CD163: variants seen among roughly 807,000 people sequenced by gnomAD.
The protein encoded by CD163 is scavenger receptor cysteine-rich type 1 protein M130.
Under a neutral mutation model 129.2 loss-of-function variants are expected in CD163, and 64 were observed. That is an observed-to-expected ratio of 0.50 (90% CI 0.41 to 0.61). The LOEUF is 0.61. CD163 is among the 20% of genes least tolerant of loss of function. CD163 has a pLI of 0.00. For synonymous variants in CD163, 446 were observed against 478.5 expected, an observed-to-expected ratio of 0.93 and a Z score of 0.89; for missense variants, 1,061 against 1,377.9, an observed-to-expected ratio of 0.77 and a Z score of 3.64.
chr12:7,472,552 C>T (rs775294438), intron 16 of CD163, among the ~76,000 whole-genome samples: 6 of 152,226 alleles, frequency 3.9e-5, no homozygotes, highest in African/African-American at 1.4e-4. Flanking sequence ...GACCCCTACA[C>T]AAAAACCCCA....
At position 7,503,636 on chromosome 12, in the gene CD163, A is replaced by G. The variant is rs1032315378; in HGVS notation, c.46+9T>C. ...AAGGGGAAATGTAGAATAAATGAGAAGCTTTTACCAGCAGATCCAGAGTCT... is the reference window on the plus strand; with the variant it reads ...AAGGGGAAATGTAGAATAAATGAGAGGCTTTTACCAGCAGATCCAGAGTCT... On this transcript the variant is annotated intron_variant, in intron 1 of 16. Coordinates refer to ENST00000432237, the MANE Select transcript of CD163 (RefSeq NM_203416.4). The G allele has an allele frequency of 5.7e-6, 9 of 1,580,500 alleles. No individual in the cohort carries two copies. The highest frequency in any genetic ancestry group is 7.8e-6 in the Non-Finnish European group (9 of 1,153,698).
intron 3 of CD163, 36 bp downstream of exon 3, chr12:7,501,092 TCCCACCAAGGA>T: frequency 1.3e-6 from 2 of 1,547,376 alleles, no homozygotes; most frequent in Admixed American, 1.7e-5. Context: ...CATATTTTTT[TCCCACCAAGGA>T]TTTTGTGTTG....
intron 16 of CD163, among the ~76,000 whole-genome samples, chr12:7,476,980 T>A (rs146785747): frequency 2.0e-5 from 3 of 152,180 alleles, no homozygotes; most frequent in African/African-American, 7.2e-5. Flanking sequence ...AATAAACATG[T>A]GAAGAAAGGC....
intron 16 of CD163, among the ~76,000 whole-genome samples, chr12:7,476,806 A>G (rs1022532264): frequency 1.3e-5 from 2 of 152,234 alleles, no homozygotes; most frequent in African/African-American, 2.4e-5. Context: ...CAGGCAACCT[A>G]CAGAATGGGA....
chr12:7,492,570 G>T (rs1324903205), intron 6 of CD163, among the ~76,000 whole-genome samples: 1 of 152,080 alleles, frequency 6.6e-6, no homozygotes. Flanking sequence ...ATTGGGCAAA[G>T]TACAAGAAAC....
rs531578596 is a variant in CD163, at chr12:7,480,921, G to T, written c.3343+240C>A. The T allele has an allele frequency of 3.4e-5, 40 of 1,165,822 alleles. No homozygotes were observed. The South Asian group carries it at 1.2e-3, about 36-fold the overall frequency. 72.2% of individuals were successfully genotyped at this position (1,165,822 alleles called of 1,614,324 possible). A position where few individuals can be genotyped will look rare whatever the true frequency, so the allele number is the denominator to read the frequency against. ...CCAAGTCATAATATTCCTCTGCATG[G>T]TTCTTTCCATACCTCTATCAGGAAT... On this transcript the variant is annotated intron_variant, in intron 15 of 16. Transcript: ENST00000432237.
At chr12:7,501,507 G>T in intron 2 of CD163, 45 bp from the exon 3 acceptor site, 1 of 1,453,992 alleles carries the variant, frequency 6.9e-7, no homozygotes, top group Non-Finnish European at 9.6e-7. Flanking sequence ...GTCGCAAAGA[G>T]CAAGTAGAAA....
Position 7,485,269 on chromosome 12 carries a change from C to T in CD163, c.2606G>A (p.Cys869Tyr). ...TVGVVCRQLGCADKGKINPAS... is the reference protein window; with the variant it reads ...TVGVVCRQLGYADKGKINPAS... Reference sequence around the variant, plus strand: ...AGGGTTGATTTTCCCTTTGTCTGCACAGCCCAGCTGCCTGCACACCACACC... The same window carrying T: ...AGGGTTGATTTTCCCTTTGTCTGCATAGCCCAGCTGCCTGCACACCACACC... Residue 869 changes from cysteine to tyrosine, a missense_variant, in exon 11 of 17, where the codon TGT becomes TAT. By Grantham distance (194) the Cys-to-Tyr change is radical. Coordinates refer to ENST00000432237, the MANE Select transcript of CD163 (RefSeq NM_203416.4). This position sits in a 1 kb window ranked among gnomAD's most constrained non-coding sequence, Gnocchi z 4.5. The T allele has an allele frequency of 6.2e-7, 1 of 1,614,242 alleles. No homozygotes were observed. The highest frequency in any genetic ancestry group is 1.7e-4 in the Middle Eastern group (1 of 6,060).
At chr12:7,498,797 G>C in intron 4 of CD163, 71 bp downstream of exon 4, 1 of 1,355,182 alleles carries the variant, frequency 7.4e-7, no homozygotes. Context: ...AAGAGTTCAG[G>C]CTCTTAAGAT....
rs904607629 is a variant in CD163 at position 7,496,167 on chromosome 12, C to G, written c.1099+646G>C. On this transcript the variant is annotated intron_variant, in intron 5 of 16. Transcript: ENST00000432237. This position sits in a 1 kb window ranked among gnomAD's most constrained non-coding sequence, Gnocchi z 4.8. ...GCCATAAAAAAGAATGAGTTTATGT[C>G]CTTTGAAGGGACACAGATGAAGCTA... Among the ~76,000 whole-genome samples, 3 of 152,152 alleles carry G rather than the reference C, an allele frequency of 2.0e-5. No individual in the cohort carries two copies. The highest frequency in any genetic ancestry group is 7.2e-5 in the African/African-American group (3 of 41,420).
chr12:7,497,084 T>C lies in CD163; in HGVS notation c.828A>G (p.Ser276=), dbSNP rs1949412751. 1.2e-6 allele frequency: 2 copies of C among 1,614,112 alleles called. No homozygotes were observed. Among genetic ancestry groups the C allele is most frequent in the Non-Finnish European group, 1.7e-6 (2 of 1,179,972 alleles). Residue 276 remains serine (S), a synonymous_variant, in exon 5 of 17, where the codon TCA becomes TCG. Coordinates refer to ENST00000432237, the MANE Select transcript of CD163 (RefSeq NM_203416.4). ...LRLVDGVTEC[S]GRLEVRFQGE... ...CTTGGAATCTCACTTCTAATCTTCC[T>C]GAACATTCAGTGACTCCATCTACCA... is the stretch of plus-strand genomic sequence containing the variant.
At chr12:7,474,557 T>G (rs1240205763) in intron 16 of CD163, among the ~76,000 whole-genome samples, 1 of 152,106 alleles carries the variant, frequency 6.6e-6, no homozygotes, top group African/African-American at 2.4e-5. Flanking sequence ...TACAAAAATC[T>G]CTGGGACACA....
chr12:7,488,409 G>A (rs144867988), intron 6 of CD163, among the ~76,000 whole-genome samples: 2 of 152,260 alleles, frequency 1.3e-5, no homozygotes, highest in East Asian at 3.9e-4. Context: ...CAAACAATGT[G>A]TATCTACTAT....
Position 7,499,082 on chromosome 12 carries a change from G to T in CD163, c.564C>A (p.Phe188Leu). 1 of 1,614,078 alleles carries T rather than the reference G, an allele frequency of 6.2e-7. No individual in the cohort carries two copies. Among genetic ancestry groups the T allele is most frequent in the South Asian group, 1.1e-5 (1 of 91,086 alleles). Residue 188 changes from phenylalanine (F) to leucine (L), a missense_variant, in exon 4 of 17, where the codon TTC (phenylalanine) becomes TTA (leucine). Transcript: ENST00000432237. ...GRWGTVCDDN[F>L]NIDHASVICR... ...AAATGACAGATGCATGATCTATGTT[G>T]AAGTTATCATCACACACTGTTCCCC...
chr12:7,478,348 G>A (rs148360105), intron 16 of CD163, among the ~76,000 whole-genome samples: 1 of 152,116 alleles, frequency 6.6e-6, no homozygotes, highest in East Asian at 1.9e-4. Context: ...CTTTTTCTCT[G>A]TATTCCCGCC....
chr12:7,475,481 C>A (rs1949074694), intron 16 of CD163, among the ~76,000 whole-genome samples: 1 of 152,134 alleles, frequency 6.6e-6, no homozygotes, highest in Non-Finnish European at 1.5e-5. Context: ...GAACAAATCA[C>A]AAAAACCAAA....
rs1483743728 is a variant in CD163, at chr12:7,495,378, G to A, written c.1123C>T (p.Leu375Phe). ...CSDGSDLELR[L>F]RGGGSRCAGT... ...GCACAGCGGCTGCCTCCACCTCTAA[G>A]TCTTAGCTCCAGATCTGATCCATCT... The change falls in exon 6 of 17, where the codon CTT becomes TTT. Residue 375 changes from leucine to phenylalanine, a missense_variant. Leu to Phe is a conservative substitution (Grantham distance 22). Coordinates refer to ENST00000432237, the MANE Select transcript of CD163 (RefSeq NM_203416.4). 7 of 1,613,936 alleles carry A rather than the reference G, an allele frequency of 4.3e-6. No homozygotes were observed. In the South Asian group the frequency reaches 7.7e-5, roughly 18 times the overall value.
intron 4 of CD163, among the ~76,000 whole-genome samples, chr12:7,498,509 G>A (rs537314728): frequency 3.0e-4 from 46 of 152,200 alleles, no homozygotes; most frequent in Non-Finnish European, 3.5e-4. Flanking sequence ...GATAACTGGA[G>A]TGGTTTGGTC....
intron 6 of CD163, among the ~76,000 whole-genome samples, chr12:7,493,143 A>G (rs966252495): frequency 6.6e-6 from 1 of 152,328 alleles, no homozygotes; most frequent in African/African-American, 2.4e-5. Context: ...TTGATTAGTC[A>G]ATCTTTAATC....
Sources: gnomAD v4.1 joint callset for allele counts (sites outside exome capture counted in the v4.1 genomes callset) on GRCh38, gnomAD v4.1.1 for gene constraint, Gnocchi (gnomAD v3.1) non-coding constraint, MANE v1.5 for transcripts, NCBI Gene and HGNC (gene_info 2026-07-23, HGNC 2026-07-21) for gene names.